Variants in TBC1D17 observed in about 807,000 individuals in gnomAD.
The protein encoded by TBC1D17 is TBC1 domain family, member 17.
In TBC1D17, 69 loss-of-function variants were observed where a neutral mutation model predicts 78.8. The ratio of observed to expected loss-of-function variants is 0.88; its 90% CI spans 0.72 to 1.07. The LOEUF (loss-of-function observed/expected upper bound fraction) is 1.07, where lower values mean the gene tolerates loss of function less well. TBC1D17 is among the 50% of genes least tolerant of loss of function. The pLI is 0.00. For synonymous variants in TBC1D17, 456 were observed against 358.3 expected, an observed-to-expected ratio of 1.27 and a Z score of -3.08; for missense variants, 957 against 861.0, an observed-to-expected ratio of 1.11 and a Z score of -1.39.
At chr19:49,879,070 G>T (rs1025265025) in intron 3 of TBC1D17, 4 of 154,248 alleles carry the variant, frequency 2.6e-5, no homozygotes, top group African/African-American at 4.8e-5. Flanking sequence ...CACTTTTTGA[G>T]AAACTGATAG....
In TBC1D17 at chr19:49,884,716, C is replaced by T. The variant is rs1305273618; in HGVS notation, c.1402C>T (p.Leu468=). Reference sequence around the variant, plus strand: ...GAAGCGGCAACTCGGGCGACTGCTGCTGCTCCTGAGGGTGCTGGACCCCCT... The same window carrying T: ...GAAGCGGCAACTCGGGCGACTGCTGTTGCTCCTGAGGGTGCTGGACCCCCT... ...TMKRQLGRLL[L]LLRVLDPLLC... is the part of the protein sequence containing the mutation. Residue 468 remains leucine, a synonymous_variant, in exon 13 of 17, where the codon CTG becomes TTG. Coordinates refer to ENST00000221543, the MANE Select transcript of TBC1D17 (RefSeq NM_024682.3). 7 of 1,614,126 alleles carry T rather than the reference C, an allele frequency of 4.3e-6. No homozygotes were observed. The highest frequency in any genetic ancestry group is 1.1e-5 in the South Asian group (1 of 91,084).
intron 13 of TBC1D17, among the ~76,000 whole-genome samples, chr19:49,886,250 G>A (rs2075057649): frequency 6.6e-6 from 1 of 151,154 alleles, no homozygotes; most frequent in Non-Finnish European, 1.5e-5. Context: ...GCGAGACTTT[G>A]TCTCAAAAAA....
intron 12 of TBC1D17, 44 bp downstream of exon 12, chr19:49,884,603 C>T (rs751705769): frequency 6.2e-7 from 1 of 1,613,428 alleles, no homozygotes; most frequent in African/African-American, 1.3e-5. Context: ...ATCGAGCGAT[C>T]AGGTGTCCTG....
chr19:49,887,863 TC>T (rs748012151), intron 15 of TBC1D17, 29 bp downstream of exon 15: 2 of 1,548,770 alleles, frequency 1.3e-6, no homozygotes, highest in East Asian at 2.3e-5. Flanking sequence ...CCCCGCCCTG[TC>T]CCCCCTGAGC....
chr19:49,882,418 C>T lies in TBC1D17; in HGVS notation c.798+18C>T, dbSNP rs1303694464. ...TTTCCTGTGTGAGTAGTGAGTGGAC[C>T]CTCCCTGTTATTTCTGGCCGTGTCT... On this transcript the variant is annotated intron_variant, in intron 7 of 16. Transcript: ENST00000221543. 1.3e-6 allele frequency: 2 copies of T among 1,590,878 alleles called. No individual in the cohort carries two copies. The highest frequency in any genetic ancestry group is 1.7e-6 in the Non-Finnish European group (2 of 1,170,516).
In TBC1D17 at chr19:49,880,848, C is replaced by T. The variant is rs144259714; in HGVS notation, c.320-420C>T. On this transcript the variant is annotated intron_variant, in intron 4 of 16. Coordinates refer to ENST00000221543, the MANE Select transcript of TBC1D17 (RefSeq NM_024682.3). ...GCACTGAGGGACTCTTGGGAGTTTT[C>T]TCTTCTGGCAGAGAGAGCAGCCCGT... is the stretch of plus-strand genomic sequence containing the variant. 4.0e-3 allele frequency among the ~76,000 whole-genome samples: 613 copies of T among 152,320 alleles called. 2 individuals carry two copies. The highest frequency in any genetic ancestry group is 0.014 in the African/African-American group (589 of 41,566).
intron 7 of TBC1D17, 91 bp downstream of exon 7, chr19:49,882,491 T>C: frequency 6.5e-7 from 1 of 1,528,338 alleles, no homozygotes. Context: ...TCCTCTTTGG[T>C]AAAACGGGGA....
rs1369953172 is a variant in TBC1D17 at position 49,881,473 on chromosome 19, CA to C, written c.526del (p.Ser176AlafsTer55). On this transcript the variant is annotated frameshift_variant and splice_region_variant, in exon 5 of 17. Coordinates refer to ENST00000221543, the MANE Select transcript of TBC1D17 (RefSeq NM_024682.3). LOFTEE classifies it high-confidence loss of function. ...TCCTCAGCCGCTACCTGCTGTTGGCCAGGTGAGCTCTCTCCCAGTGCTGGGC... is the reference window on the plus strand; with the variant it reads ...TCCTCAGCCGCTACCTGCTGTTGGCCGGTGAGCTCTCTCCCAGTGCTGGGC... ...RVLSRYLLLASSPQDSRLYLV... is the reference protein window; with the variant it reads ...RVLSRYLLLAXSPQDSRLYLV... The C allele has an allele frequency of 2.3e-5, 37 of 1,607,556 alleles. No homozygotes were observed. Among genetic ancestry groups the C allele is most frequent in the Non-Finnish European group, 3.1e-5 (36 of 1,179,588 alleles).
In TBC1D17 at chr19:49,883,219, G is replaced by T. The variant is rs901703913; in HGVS notation, c.1031+143G>T. The T allele has an allele frequency of 2.4e-5, 17 of 716,412 alleles. 1 individual carries two copies. Among genetic ancestry groups the T allele is most frequent in the Middle Eastern group, 6.7e-4 (2 of 3,002 alleles). 44.4% of individuals were successfully genotyped at this position (716,412 alleles called of 1,614,324 possible). On this transcript the variant is annotated intron_variant, in intron 9 of 16. Transcript: ENST00000221543. Reference sequence around the variant, plus strand: ...GCCTGTGGAATACGGCAATGATCAAGCCAGACCCATCCTCACCCCTGTATG... The same window carrying T: ...GCCTGTGGAATACGGCAATGATCAATCCAGACCCATCCTCACCCCTGTATG...
At chr19:49,883,208 G>A (rs982881357) in intron 9 of TBC1D17, 132 bp downstream of exon 9, 3 of 792,136 alleles carry the variant, frequency 3.8e-6, no homozygotes, top group African/African-American at 1.8e-5. Flanking sequence ...GTGGAATACG[G>A]CAATGATCAA....
rs2075080624 is a variant in TBC1D17 at position 49,888,249 on chromosome 19, A to G, written c.1678A>G (p.Met560Val). 11 of 1,591,284 alleles carry G rather than the reference A, an allele frequency of 6.9e-6. No homozygotes were observed. The highest frequency in any genetic ancestry group is 1.3e-5 in the African/African-American group (1 of 74,620). ...EILKHINELT[M>V]KLSVEDVLTR... ...CCCGCAGCACATCAACGAGCTGACT[A>G]TGAAGCTGAGCGTGGAGGACGTGCT... Residue 560 changes from methionine to valine, a missense_variant, in exon 16 of 17, where the codon ATG becomes GTG. Met to Val is a conservative substitution (Grantham distance 21). Coordinates refer to ENST00000221543, the MANE Select transcript of TBC1D17 (RefSeq NM_024682.3).
At chr19:49,880,505 A>G in intron 4 of TBC1D17, 103 bp downstream of exon 4, 39 of 1,448,896 alleles carry the variant, frequency 2.7e-5, no homozygotes, top group Non-Finnish European at 3.6e-5. Flanking sequence ...CACAATCAAG[A>G]AGGCCACCAG....
At chr19:49,877,925 GC>G (rs1043403315) in intron 1 of TBC1D17, 181 bp downstream of exon 1, 167 of 663,038 alleles carry the variant, frequency 2.5e-4, no homozygotes, top group Non-Finnish European at 3.1e-4. Flanking sequence ...CCATGGCCCC[GC>G]CCCCCCGGCT....
chr19:49,888,689 C>A lies in TBC1D17; in HGVS notation c.*65C>A. 7.2e-7 allele frequency: 1 copy of A among 1,390,466 alleles called. No homozygotes were observed. The highest frequency in any genetic ancestry group is 9.6e-7 in the Non-Finnish European group (1 of 1,042,516). The allele number at this position is 1,390,466 out of a possible 1,614,324, so 86.1% of individuals were successfully genotyped here. On this transcript the variant is annotated 3_prime_UTR_variant, in exon 17 of 17. Coordinates refer to ENST00000221543, the MANE Select transcript of TBC1D17 (RefSeq NM_024682.3). ...CGAGCCAGGCACACCTGCGAGGGGG[C>A]AGGTGTGCTCCGCCGCCCTGCTGAT...
chr19:49,884,640 C>T lies in TBC1D17; in HGVS notation c.1345-19C>T, dbSNP rs886708905. 1.2e-6 allele frequency: 2 copies of T among 1,614,072 alleles called. No individual in the cohort carries two copies. Among genetic ancestry groups the T allele is most frequent in the Non-Finnish European group, 1.7e-6 (2 of 1,179,928 alleles). On this transcript the variant is annotated intron_variant, in intron 12 of 16. Transcript: ENST00000221543. The stretch of plus-strand genomic sequence containing the variant: ...TACCTCACGGGGTCTGCTCTTTCCC[C>T]CCTCCTTCCGTCCCACAGCAAGGGA...
intron 13 of TBC1D17, chr19:49,885,085 C>T (rs2075047739): frequency 3.1e-6 from 1 of 326,560 alleles, no homozygotes; most frequent in Non-Finnish European, 5.8e-6. Context: ...TGTGGCTCAC[C>T]TTGAACCAGG....
rs190014141 is a variant in TBC1D17, at chr19:49,887,839, G to A, written c.1659+5G>A. ...GGCTCCAATGAGATCCTCAAGGTGA[G>A]GCTCCGGCCCCGCCCCCGCCCTGTC... On this transcript the variant is annotated splice_donor_5th_base_variant and intron_variant, in intron 15 of 16. Transcript: ENST00000221543. 1 of 1,604,074 alleles carries A rather than the reference G, an allele frequency of 6.2e-7. No homozygotes were observed. The highest frequency in any genetic ancestry group is 2.2e-5 in the East Asian group (1 of 44,658).
chr19:49,883,193 C>T lies in TBC1D17; in HGVS notation c.1031+117C>T, dbSNP rs137864708. 53 of 900,296 alleles carry T rather than the reference C, an allele frequency of 5.9e-5. 1 individual carries two copies. In the East Asian group the frequency reaches 6.1e-4, roughly 10 times the overall value. The allele number at this position is 900,296 out of a possible 1,614,324, so 55.8% of individuals were successfully genotyped here. A position where few individuals can be genotyped will look rare whatever the true frequency, so the allele number is the denominator to read the frequency against. ...CCTGCTGTATCTGGGCACCATCCTG[C>T]GCCTGTGGAATACGGCAATGATCAA... On this transcript the variant is annotated intron_variant, in intron 9 of 16. Transcript: ENST00000221543.
At chr19:49,884,143 C>G in intron 10 of TBC1D17, 110 bp from the exon 11 acceptor site, 3 of 1,009,398 alleles carry the variant, frequency 3.0e-6, no homozygotes, top group Admixed American at 3.7e-5. Context: ...GAGCAAACCC[C>G]GAGGCTGGGG....
Sources: allele counts gnomAD v4.1 joint callset (sites outside exome capture counted in the v4.1 genomes callset), GRCh38; gene constraint gnomAD v4.1.1; transcripts MANE v1.5; gene names NCBI Gene and HGNC (gene_info 2026-07-23, HGNC 2026-07-21).